The following TMEM60 variants were observed in gnomAD, a reference collection of about 807,000 sequenced individuals.
The protein encoded by TMEM60 is transmembrane protein 60, also known as chromosome 7 open reading frame 35.
A neutral mutation model predicts 10.7 loss-of-function variants in TMEM60; 4 were observed. That is an observed-to-expected ratio of 0.37 (90% confidence interval 0.18 to 0.86). TMEM60 has a LOEUF of 0.86. Ranked by LOEUF, TMEM60 falls within the 40% of genes least tolerant of loss-of-function variation. The pLI, the probability that TMEM60 is intolerant of heterozygous loss-of-function variation, is 0.43. For synonymous variants in TMEM60, 56 were observed against 58.1 expected (o/e 0.96, Z 0.17); for missense variants, 128 against 153.4 (o/e 0.83, Z 0.88).
intron 1 of TMEM60, among the ~76,000 whole-genome samples, chr7:77,796,723 A>G (rs1792172965): frequency 6.6e-6 from 1 of 152,226 alleles, no homozygotes; most frequent in Non-Finnish European, 1.5e-5. Flanking sequence ...TAGGAACAAA[A>G]GCATGCGTGG....
Position 77,793,753 on chromosome 7 carries a change from C to T in TMEM60, c.*219G>A. 2.2e-6 allele frequency: 1 copy of T among 458,594 alleles called. No homozygotes were observed. The allele number at this position is 458,594 out of a possible 1,614,324, so 28.4% of individuals were successfully genotyped here. ...TGAGGTCCAAAACAAACTTTATTTA[C>T]ATAGAGATAATAAGGATCTCAATAA... is the stretch of plus-strand genomic sequence containing the variant. On this transcript the variant is annotated 3_prime_UTR_variant, in exon 2 of 2. Transcript: ENST00000257663.
intron 1 of TMEM60, 147 bp from the exon 2 acceptor site, chr7:77,794,570 T>G (rs1250070038): frequency 5.7e-6 from 3 of 523,158 alleles, no homozygotes; most frequent in Non-Finnish European, 9.5e-6. Flanking sequence ...CCTCTAAAAC[T>G]TAGTGATCAT....
In TMEM60 at chr7:77,795,259, C is replaced by A. The variant is rs115246013; in HGVS notation, c.-50-836G>T. ...TAGTGGCTGGGTGCAGTGGCTCACACCCACAGTCCCAACACTTTGGGACTC... is the reference window on the plus strand; with the variant it reads ...TAGTGGCTGGGTGCAGTGGCTCACAACCACAGTCCCAACACTTTGGGACTC... On this transcript the variant is annotated intron_variant, in intron 1 of 1. Transcript: ENST00000257663. Among the ~76,000 whole-genome samples, 634 of 152,206 alleles carry A rather than the reference C, an allele frequency of 4.2e-3. 6 individuals are homozygous for A. Among genetic ancestry groups the A allele is most frequent in the African/African-American group, 0.015 (605 of 41,534 alleles).
intron 1 of TMEM60, among the ~76,000 whole-genome samples, chr7:77,797,435 G>GGA (rs942516790): frequency 6.6e-6 from 1 of 152,154 alleles, no homozygotes; most frequent in African/African-American, 2.4e-5. Flanking sequence ...CCCTCAATGG[G>GGA]GAAGCACTGC....
In TMEM60 at chr7:77,794,385, A is replaced by G. The variant is rs1338884433; in HGVS notation, c.-12T>C. 6 of 1,503,118 alleles carry G rather than the reference A, an allele frequency of 4.0e-6. No homozygotes were observed. In the African/African-American group the frequency reaches 8.5e-5, roughly 21 times the overall value. 93.1% of individuals were successfully genotyped at this position (1,503,118 alleles called of 1,614,324 possible). A position where few individuals can be genotyped will look rare whatever the true frequency, so the allele number is the denominator to read the frequency against. On this transcript the variant is annotated 5_prime_UTR_variant, in exon 2 of 2. Transcript: ENST00000257663. ...AAGGACATTCTCATTTAAACAGTTT[A>G]AAGAGGCTGTTGCAGGATCGGAAAA...
Position 77,793,809 on chromosome 7 carries a change from G to T in TMEM60, c.*163C>A. On this transcript the variant is annotated 3_prime_UTR_variant, in exon 2 of 2. Coordinates refer to ENST00000257663, the MANE Select transcript of TMEM60 (RefSeq NM_032936.4). ...ATGCTGAATAATTAAGCTGTAGGTT[G>T]ACTAGAAGTCCGTGATTCACCAATC... is the stretch of plus-strand genomic sequence containing the variant. 1.5e-6 allele frequency: 1 copy of T among 684,724 alleles called. No homozygotes were observed. The highest frequency in any genetic ancestry group is 2.3e-6 in the Non-Finnish European group (1 of 443,014). 42.4% of individuals were successfully genotyped at this position (684,724 alleles called of 1,614,324 possible).
chr7:77,793,884 C>T lies in TMEM60; in HGVS notation c.*88G>A. The stretch of plus-strand genomic sequence containing the variant: ...CTACATTTGGTATTTTCCCTCAGTT[C>T]TCTGGTATTCTTGAAGCTTGACAGA... On this transcript the variant is annotated 3_prime_UTR_variant, in exon 2 of 2. Coordinates refer to ENST00000257663, the MANE Select transcript of TMEM60 (RefSeq NM_032936.4). 2 of 1,394,296 alleles carry T rather than the reference C, an allele frequency of 1.4e-6. No homozygotes were observed. The highest frequency in any genetic ancestry group is 1.9e-6 in the Non-Finnish European group (2 of 1,052,380). 86.4% of individuals were successfully genotyped at this position (1,394,296 alleles called of 1,614,324 possible). A position where few individuals can be genotyped will look rare whatever the true frequency, so the allele number is the denominator to read the frequency against.
chr7:77,796,265 C>T (rs1328928091), intron 1 of TMEM60, among the ~76,000 whole-genome samples: 1 of 152,096 alleles, frequency 6.6e-6, no homozygotes, highest in Non-Finnish European at 1.5e-5. Context: ...CTATTTTGCC[C>T]TTACAGTTTT....
intron 1 of TMEM60, among the ~76,000 whole-genome samples, chr7:77,797,575 C>T (rs545834707): frequency 6.6e-6 from 1 of 152,206 alleles, no homozygotes; most frequent in African/African-American, 2.4e-5. Context: ...ATTCTCTCCA[C>T]AAGAAAGGGG....
intron 1 of TMEM60, among the ~76,000 whole-genome samples, chr7:77,795,943 T>G (rs1469994089): frequency 6.6e-6 from 1 of 151,842 alleles, no homozygotes; most frequent in East Asian, 1.9e-4. Flanking sequence ...TTCTAGAATT[T>G]TTTTTTTTTT....
chr7:77,793,868 G>A lies in TMEM60; in HGVS notation c.*104C>T. ...TGGAAGTAGTATAAAACTACATTTG[G>A]TATTTTCCCTCAGTTCTCTGGTATT... On this transcript the variant is annotated 3_prime_UTR_variant, in exon 2 of 2. Coordinates refer to ENST00000257663, the MANE Select transcript of TMEM60 (RefSeq NM_032936.4). The A allele has an allele frequency of 7.8e-7, 1 of 1,281,656 alleles. No individual in the cohort carries two copies. Among genetic ancestry groups the A allele is most frequent in the Non-Finnish European group, 1.0e-6 (1 of 962,920 alleles). 79.4% of individuals were successfully genotyped at this position (1,281,656 alleles called of 1,614,324 possible).
intron 1 of TMEM60, among the ~76,000 whole-genome samples, chr7:77,798,022 C>T: frequency 6.6e-6 from 1 of 152,094 alleles, no homozygotes; most frequent in East Asian, 1.9e-4. Flanking sequence ...CACCGACAGT[C>T]GGCTCGCGGC....
chr7:77,796,277 C>A (rs1403030512), intron 1 of TMEM60, among the ~76,000 whole-genome samples: 2 of 152,104 alleles, frequency 1.3e-5, no homozygotes, highest in East Asian at 3.8e-4. Flanking sequence ...TACAGTTTTT[C>A]AATGCTAAAT....
chr7:77,796,300 G>A (rs571155563), intron 1 of TMEM60, among the ~76,000 whole-genome samples: 1 of 152,096 alleles, frequency 6.6e-6, no homozygotes, highest in Non-Finnish European at 1.5e-5. Context: ...GCTGATTCTT[G>A]AAAACCTAGA....
intron 1 of TMEM60, among the ~76,000 whole-genome samples, chr7:77,795,515 A>T (rs1350819453): frequency 2.2e-5 from 1 of 45,976 alleles, no homozygotes; most frequent in Non-Finnish European, 4.5e-5. Flanking sequence ...ACCACTGTCT[A>T]AAAAAAAAAG....
chr7:77,794,637 C>T (rs1792149243), intron 1 of TMEM60, among the ~76,000 whole-genome samples: 1 of 152,164 alleles, frequency 6.6e-6, no homozygotes, highest in Non-Finnish European at 1.5e-5. Flanking sequence ...TTTATTATAT[C>T]TACTGTATAA....
At chr7:77,795,858 A>G (rs543928475) in intron 1 of TMEM60, among the ~76,000 whole-genome samples, 1 of 152,220 alleles carries the variant, frequency 6.6e-6, no homozygotes, top group East Asian at 1.9e-4. Flanking sequence ...CTTTTGCACT[A>G]ATACTATATG....
In TMEM60 at chr7:77,794,213, A is replaced by G; in HGVS notation, c.161T>C (p.Ile54Thr). The G allele has an allele frequency of 1.2e-6, 2 of 1,614,024 alleles. No individual in the cohort carries two copies. Among genetic ancestry groups the G allele is most frequent in the Non-Finnish European group, 1.7e-6 (2 of 1,179,996 alleles). Reference sequence around the variant, plus strand: ...CTTACACCGCCCAGCCATTTTCACAATCAGCAGGACAAGAAGGATAGTATC... The same window carrying G: ...CTTACACCGCCCAGCCATTTTCACAGTCAGCAGGACAAGAAGGATAGTATC... Reference protein sequence around the residue: ...IFDTILLVLLIVKMAGRCKSG... With the variant: ...IFDTILLVLLTVKMAGRCKSG... Residue 54 changes from isoleucine (I) to threonine (T), a missense_variant, in exon 2 of 2, where the codon ATT (isoleucine) becomes ACT (threonine). Ile to Thr is a moderately conservative substitution (Grantham distance 89). Coordinates refer to ENST00000257663, the MANE Select transcript of TMEM60 (RefSeq NM_032936.4).
intron 1 of TMEM60, among the ~76,000 whole-genome samples, chr7:77,797,360 A>G (rs1792198141): frequency 2.0e-5 from 3 of 152,178 alleles, no homozygotes. Context: ...TAACAATCTT[A>G]TTGTGCCTAC....
Sources: allele counts gnomAD v4.1 joint callset (sites outside exome capture counted in the v4.1 genomes callset), GRCh38; gene constraint gnomAD v4.1.1; transcripts MANE v1.5; gene names NCBI Gene and HGNC (gene_info 2026-07-23, HGNC 2026-07-21).